TMPO: variants seen among roughly 807,000 people sequenced by gnomAD.
TMPO encodes LEM domain containing 4.
Under a neutral mutation model 45.4 loss-of-function variants are expected in TMPO, and 22 were observed. That is an observed-to-expected ratio of 0.48 (90% CI 0.35 to 0.69). The LOEUF (loss-of-function observed/expected upper bound fraction) is 0.69, where lower values mean the gene tolerates loss of function less well. Among genes scored for constraint, TMPO ranks in the 30% least tolerant of loss-of-function variants. TMPO has a pLI of 0.01. For synonymous variants in TMPO, 241 were observed against 204.1 expected (o/e 1.18, Z -1.54); for missense variants, 512 against 548.8 (o/e 0.93, Z 0.67).
At chr12:98,518,339 C>T (rs567896513) in intron 1 of TMPO, among the ~76,000 whole-genome samples, 2 of 152,054 alleles carry the variant, frequency 1.3e-5, no homozygotes, top group East Asian at 1.9e-4. Context: ...TTGCCCAGGC[C>T]GGAGTGCAGG....
chr12:98,535,054 T>A, intron 3 of TMPO: 1 of 839,102 alleles, frequency 1.2e-6, no homozygotes, highest in Non-Finnish European at 1.4e-6. Flanking sequence ...TGCAAGTAAT[T>A]TATCTCTTCA....
intron 4 of TMPO, 142 bp from the exon 5 acceptor site, chr12:98,544,088 G>T (rs1878077835): frequency 1.1e-6 from 1 of 881,020 alleles, no homozygotes. Flanking sequence ...ATACATTTAG[G>T]AATATTTTGA....
chr12:98,534,555 T>A lies in TMPO; in HGVS notation c.565+2717T>A, dbSNP rs781336802. The A allele has an allele frequency of 1.1e-3, 1,460 of 1,352,402 alleles. 1 individual carries two copies. Among genetic ancestry groups the A allele is most frequent in the Non-Finnish European group, 1.3e-3 (1,357 of 1,050,562 alleles). 83.8% of individuals were successfully genotyped at this position (1,352,402 alleles called of 1,614,324 possible). On this transcript the variant is annotated intron_variant, in intron 3 of 8. Coordinates refer to ENST00000556029, the MANE Select transcript of TMPO (RefSeq NM_001032283.3). ...AGATAGGAAGCCTGGTACAAACAAT[T>A]TAACGCTTTCTAGATCACATATTAG... is the stretch of plus-strand genomic sequence containing the variant.
At position 98,547,742 on chromosome 12, in the gene TMPO, A is replaced by G. The variant is rs866990231; in HGVS notation, c.1249A>G (p.Ile417Val). ...ACGCTCCATTCCCGTATGGATAAAA[A>G]TTTTGCTGTTTGTTGTTGTGGCAGT... ...KGRSIPVWIK[I>V]LLFVVVAVFL... The change falls in exon 9 of 9, where the codon ATT becomes GTT. Residue 417 changes from isoleucine (I) to valine (V), a missense_variant. Transcript: ENST00000556029. 4 of 1,614,160 alleles carry G rather than the reference A, an allele frequency of 2.5e-6. No individual in the cohort carries two copies. The highest frequency in any genetic ancestry group is 1.3e-5 in the African/African-American group (1 of 75,024).
At chr12:98,542,702 A>G (rs1328941598) in intron 4 of TMPO, among the ~76,000 whole-genome samples, 2 of 152,044 alleles carry the variant, frequency 1.3e-5, no homozygotes, top group East Asian at 3.9e-4. Context: ...CTGAAAATAC[A>G]AAAAAATCAG....
chr12:98,541,118 T>C (rs933408299), intron 4 of TMPO, among the ~76,000 whole-genome samples: 1 of 152,188 alleles, frequency 6.6e-6, no homozygotes, highest in Non-Finnish European at 1.5e-5. Context: ...TTTAATTCCT[T>C]CCCCCATTTA....
Position 98,533,035 on chromosome 12 carries a change from A to G in TMPO, c.565+1197A>G, listed in dbSNP as rs1592944808. 6.2e-7 allele frequency: 1 copy of G among 1,613,650 alleles called. No individual in the cohort carries two copies. The highest frequency in any genetic ancestry group is 1.1e-5 in the South Asian group (1 of 91,050). ...ACCTAGGGAGCCTCTTGTTGCCACAAACTTGCCTGGCAGGGGACAGTTGCA... is the reference window on the plus strand; with the variant it reads ...ACCTAGGGAGCCTCTTGTTGCCACAGACTTGCCTGGCAGGGGACAGTTGCA... On this transcript the variant is annotated intron_variant, in intron 3 of 8. Coordinates refer to ENST00000556029, the MANE Select transcript of TMPO (RefSeq NM_001032283.3).
intron 3 of TMPO, among the ~76,000 whole-genome samples, chr12:98,536,566 A>C (rs1039494836): frequency 1.3e-5 from 2 of 152,030 alleles, no homozygotes; most frequent in African/African-American, 4.8e-5. Flanking sequence ...GTTGGCCAGG[A>C]TGGTCTTAAG....
rs1565801188 is a variant in TMPO, at chr12:98,515,917, AGAGT to A, written c.55_58del (p.Glu19TrpfsTer6). The A allele has an allele frequency of 1.2e-6, 2 of 1,613,734 alleles. No homozygotes were observed. The highest frequency in any genetic ancestry group is 1.7e-5 in the Admixed American group (1 of 60,026). ...TCGGTCCTGACAAAAGACAAGTTGA[AGAGT>A]GAGTTGGTCGCCAACAATGTGACGC... On this transcript the variant is annotated frameshift_variant, in exon 1 of 9. Coordinates refer to ENST00000556029, the MANE Select transcript of TMPO (RefSeq NM_001032283.3). LOFTEE classifies it high-confidence loss of function.
In TMPO at chr12:98,549,290, T is replaced by C. The variant is rs1275990934; in HGVS notation, c.*1432T>C. ...CCCAGACTGTAGTGCAGTGGCACGA[T>C]CTGGGCTCGATGCAACCTCTGCCTC... On this transcript the variant is annotated 3_prime_UTR_variant, in exon 9 of 9. Transcript: ENST00000556029. The C allele has an allele frequency of 6.6e-6, 1 of 152,142 alleles. No homozygotes were observed. The highest frequency in any genetic ancestry group is 1.5e-5 in the Non-Finnish European group (1 of 68,050). 9.4% of individuals were successfully genotyped at this position (152,142 alleles called of 1,614,324 possible). A position where few individuals can be genotyped will look rare whatever the true frequency, so the allele number is the denominator to read the frequency against.
At chr12:98,538,401 G>A (rs1877701143) in intron 4 of TMPO, among the ~76,000 whole-genome samples, 1 of 152,150 alleles carries the variant, frequency 6.6e-6, no homozygotes, top group South Asian at 2.1e-4. Context: ...ACCCGGGCTG[G>A]AGTGCAGTGG....
chr12:98,542,536 T>C (rs1877974763), intron 4 of TMPO, among the ~76,000 whole-genome samples: 1 of 152,068 alleles, frequency 6.6e-6, no homozygotes, highest in South Asian at 2.1e-4. Context: ...CCTTTCCGTC[T>C]ATTCAAATAG....
chr12:98,516,107 G>C lies in TMPO; in HGVS notation c.240G>C (p.Gly80=). 3 of 1,545,100 alleles carry C rather than the reference G, an allele frequency of 1.9e-6. No homozygotes were observed. Among genetic ancestry groups the C allele is most frequent in the Non-Finnish European group, 2.6e-6 (3 of 1,153,814 alleles). Residue 80 remains glycine (G), a synonymous_variant, in exon 1 of 9, where the codon GGG becomes GGC. Transcript: ENST00000556029. ...AGCCCACCCCGGTCCTCGGCTCTGG[G>C]GCCGCCGCCGCGGGCCGGAGCCGAG... is the stretch of plus-strand genomic sequence containing the variant. ...EREPTPVLGS[G]AAAAGRSRAA... is the part of the protein sequence containing the mutation.
chr12:98,524,980 C>T (rs1018942780), intron 1 of TMPO, among the ~76,000 whole-genome samples: 3 of 152,172 alleles, frequency 2.0e-5, no homozygotes, highest in Non-Finnish European at 2.9e-5. Flanking sequence ...TGAACATTCT[C>T]GTGGTAGTGG....
At chr12:98,527,816 T>A in intron 1 of TMPO, 70 bp from the exon 2 acceptor site, 3 of 1,578,434 alleles carry the variant, frequency 1.9e-6, no homozygotes, top group Non-Finnish European at 1.7e-6. Flanking sequence ...ATGTTTATGT[T>A]ATACAGGTTA....
chr12:98,544,589 T>C, intron 6 of TMPO, 52 bp downstream of exon 6: 1 of 1,438,322 alleles, frequency 7.0e-7, no homozygotes, highest in Non-Finnish European at 9.7e-7. Flanking sequence ...AATTACCCTT[T>C]AATTGGAAAT....
At chr12:98,533,566 G>A in intron 3 of TMPO, 1 of 1,614,226 alleles carries the variant, frequency 6.2e-7, no homozygotes, top group Non-Finnish European at 8.5e-7. Context: ...TGAGAAGTCA[G>A]TGGAGGAAAG....
chr12:98,535,654 A>AT, intron 3 of TMPO: 2 of 985,472 alleles, frequency 2.0e-6, no homozygotes, highest in Non-Finnish European at 2.4e-6. Context: ...CTCCAGAAAC[A>AT]TGTTGTTCTG....
intron 3 of TMPO, among the ~76,000 whole-genome samples, chr12:98,536,034 G>A (rs1045939892): frequency 2.0e-5 from 3 of 152,168 alleles, no homozygotes; most frequent in African/African-American, 7.2e-5. Flanking sequence ...GAAGTGTTGG[G>A]AGATGGACTT....
Sources: gnomAD v4.1 joint callset for allele counts (sites outside exome capture counted in the v4.1 genomes callset) on GRCh38, gnomAD v4.1.1 for gene constraint, MANE v1.5 for transcripts, NCBI Gene and HGNC (gene_info 2026-07-23, HGNC 2026-07-21) for gene names.